Variants in SLC24A3 observed in about 807,000 individuals in gnomAD.
The protein encoded by SLC24A3 is solute carrier family 24 member 3, also known as sodium/potassium/calcium exchanger 3.
A neutral mutation model predicts 75.8 loss-of-function variants in SLC24A3; 28 were observed. That is an observed-to-expected ratio of 0.37 (90% CI 0.27 to 0.51). The LOEUF (loss-of-function observed/expected upper bound fraction) is 0.51. Ranked by LOEUF, SLC24A3 falls within the 20% of genes least tolerant of loss-of-function variation. The probability of loss-of-function intolerance (pLI) is 0.94; values close to 1 mark genes in which losing one functional copy is unlikely to be tolerated. For missense variants in SLC24A3, 663 were observed against 847.8 expected, an observed-to-expected ratio of 0.78 and a Z score of 2.71; for synonymous variants, 372 against 334.1, an observed-to-expected ratio of 1.11 and a Z score of -1.24.
intron 1 of SLC24A3, among the ~76,000 whole-genome samples, chr20:19,277,367 G>T (rs887196776): frequency 6.6e-6 from 1 of 152,224 alleles, no homozygotes; most frequent in Non-Finnish European, 1.5e-5. Flanking sequence ...TGCTAACTAC[G>T]AAATGATAGT....
intron 2 of SLC24A3, among the ~76,000 whole-genome samples, chr20:19,511,423 G>A (rs941394146): frequency 2.6e-5 from 4 of 151,684 alleles, no homozygotes; most frequent in African/African-American, 9.7e-5. Context: ...CGCCTCTCAG[G>A]TTCACGCCAT....
intron 2 of SLC24A3, among the ~76,000 whole-genome samples, chr20:19,434,456 G>A (rs1013828850): frequency 5.9e-5 from 9 of 152,208 alleles, no homozygotes; most frequent in Admixed American, 5.9e-4. Flanking sequence ...GACACTGCAG[G>A]AAGAACATTT....
intron 2 of SLC24A3, among the ~76,000 whole-genome samples, chr20:19,472,403 C>CT (rs1218301668): frequency 6.6e-6 from 1 of 152,200 alleles, no homozygotes; most frequent in African/African-American, 2.4e-5. Flanking sequence ...TGGGCTTGCC[C>CT]TGGGATGGCA....
At chr20:19,585,671 T>A (rs370023470) in intron 6 of SLC24A3, 127 bp downstream of exon 6, 13 of 864,570 alleles carry the variant, frequency 1.5e-5, no homozygotes, top group Non-Finnish European at 2.4e-5. Context: ...TGGGCAGCAG[T>A]GATTTGGGAC....
intron 6 of SLC24A3, among the ~76,000 whole-genome samples, chr20:19,635,152 G>A (rs368226178): frequency 5.9e-5 from 9 of 152,278 alleles, no homozygotes; most frequent in Middle Eastern, 3.4e-3. Context: ...CTACAAGCTC[G>A]TTGAAATAAC....
intron 6 of SLC24A3, among the ~76,000 whole-genome samples, chr20:19,596,699 C>T (rs928258755): frequency 2.0e-5 from 3 of 152,188 alleles, no homozygotes; most frequent in Non-Finnish European, 2.9e-5. Flanking sequence ...ACTTCAGATA[C>T]GGTGACACCT....
chr20:19,708,982 G>T (rs1344860170), intron 15 of SLC24A3, among the ~76,000 whole-genome samples: 2 of 152,172 alleles, frequency 1.3e-5, no homozygotes, highest in Non-Finnish European at 2.9e-5. Flanking sequence ...TCTAAGAGGA[G>T]GATCCAGGGT....
At chr20:19,317,963 A>T (rs1359820483) in intron 2 of SLC24A3, among the ~76,000 whole-genome samples, 1 of 152,216 alleles carries the variant, frequency 6.6e-6, no homozygotes, top group Non-Finnish European at 1.5e-5. Flanking sequence ...TCACACCTGC[A>T]TTCCTTTGCC....
intron 1 of SLC24A3, among the ~76,000 whole-genome samples, chr20:19,253,281 T>C (rs1235446242): frequency 1.3e-5 from 2 of 152,204 alleles, no homozygotes; most frequent in Non-Finnish European, 1.5e-5. Flanking sequence ...CCACGCTTGG[T>C]TGCAGGAATC....
intron 2 of SLC24A3, among the ~76,000 whole-genome samples, chr20:19,477,204 G>A (rs1987975886): frequency 1.3e-5 from 2 of 152,118 alleles, no homozygotes; most frequent in African/African-American, 2.4e-5. Context: ...ATGGCAACGA[G>A]GTGAGGAAGA....
intron 2 of SLC24A3, among the ~76,000 whole-genome samples, chr20:19,428,779 T>C (rs1987054680): frequency 6.6e-6 from 1 of 152,194 alleles, no homozygotes; most frequent in South Asian, 2.1e-4. Flanking sequence ...ACACCTTCCT[T>C]TTCTCTAAAA....
chr20:19,463,793 T>A (rs973741663), intron 2 of SLC24A3, among the ~76,000 whole-genome samples: 1 of 152,154 alleles, frequency 6.6e-6, no homozygotes, highest in South Asian at 2.1e-4. Context: ...GGACAGGATG[T>A]AAAGGGCTCC....
chr20:19,639,925 C>T (rs974181219), intron 6 of SLC24A3, among the ~76,000 whole-genome samples: 1 of 152,266 alleles, frequency 6.6e-6, no homozygotes, highest in African/African-American at 2.4e-5. Context: ...CCGGCTGCTC[C>T]GAGTGCGGGG....
At position 19,440,117 on chromosome 20, in the gene SLC24A3, A is replaced by C. The variant is rs58156414; in HGVS notation, c.272-75371A>C. On this transcript the variant is annotated intron_variant, in intron 2 of 16. Transcript: ENST00000328041. The stretch of plus-strand genomic sequence containing the variant: ...GAGAATCCTCAAGCACTGAAAACAG[A>C]CATCGTTCTAGAATTTGCATTTTCT... 5.4e-4 allele frequency among the ~76,000 whole-genome samples: 82 copies of C among 152,386 alleles called. 1 individual carries two copies. The East Asian group carries it at 0.014, about 25-fold the overall frequency.
intron 1 of SLC24A3, among the ~76,000 whole-genome samples, chr20:19,264,481 T>C (rs1179762505): frequency 6.6e-6 from 1 of 151,824 alleles, no homozygotes; most frequent in African/African-American, 2.4e-5. Flanking sequence ...GCCCAGCACT[T>C]TGGGAGGCCG....
chr20:19,221,201 G>A (rs541446246), intron 1 of SLC24A3, among the ~76,000 whole-genome samples: 1 of 152,278 alleles, frequency 6.6e-6, no homozygotes, highest in East Asian at 1.9e-4. Flanking sequence ...GGGATTACAG[G>A]TGCGAGCCCT....
chr20:19,271,994 G>A (rs1397744769), intron 1 of SLC24A3, among the ~76,000 whole-genome samples: 1 of 152,228 alleles, frequency 6.6e-6, no homozygotes, highest in Non-Finnish European at 1.5e-5. Flanking sequence ...TTTTTAAAAA[G>A]AGGACTGTTG....
intron 2 of SLC24A3, among the ~76,000 whole-genome samples, chr20:19,312,229 G>A (rs1330026224): frequency 1.3e-5 from 2 of 152,168 alleles, no homozygotes; most frequent in African/African-American, 2.4e-5. Context: ...TCCCTTCAGT[G>A]AAGGGCTTCA....
rs142683365 is a variant in SLC24A3, at chr20:19,389,941, G to A, written c.271+108854G>A. ...TTTTTGGTGGTGTTGTTGTTGTTCT[G>A]ACTGGGTAATCTCAAATGACCTTTC... On this transcript the variant is annotated intron_variant, in intron 2 of 16. Coordinates refer to ENST00000328041, the MANE Select transcript of SLC24A3 (RefSeq NM_020689.4). Among the ~76,000 whole-genome samples, 10 of 152,212 alleles carry A rather than the reference G, an allele frequency of 6.6e-5. No homozygotes were observed. The East Asian group carries it at 1.7e-3, about 26-fold the overall frequency.
Sources: allele counts gnomAD v4.1 joint callset (sites outside exome capture counted in the v4.1 genomes callset), GRCh38; gene constraint gnomAD v4.1.1; transcripts MANE v1.5; gene names NCBI Gene and HGNC (gene_info 2026-07-23, HGNC 2026-07-21).